Variants in PALM2AKAP2 observed in about 807,000 individuals in gnomAD.
The protein encoded by PALM2AKAP2 is PALM2-AKAP2 fusion protein.
PALM2AKAP2 carries 37 observed loss-of-function variants against 71.5 expected under a neutral mutation model. The ratio of observed to expected loss-of-function variants is 0.52; its 90% CI spans 0.40 to 0.68. PALM2AKAP2 has a LOEUF of 0.68. PALM2AKAP2 is among the 30% of genes least tolerant of loss of function. The pLI is 0.00. For synonymous variants in PALM2AKAP2, 468 were observed against 478.8 expected (o/e 0.98, Z 0.29); for missense variants, 1,224 against 1,191.8 (o/e 1.03, Z -0.40).
intron 2 of PALM2AKAP2, among the ~76,000 whole-genome samples, chr9:110,141,118 T>C (rs1205784384): frequency 6.6e-6 from 1 of 152,188 alleles, no homozygotes; most frequent in Non-Finnish European, 1.5e-5. Context: ...CAATGCTTTC[T>C]CCTGATTCCC....
chr9:109,696,023 G>A (rs1190812305), intron 1 of PALM2AKAP2, among the ~76,000 whole-genome samples: 2 of 152,118 alleles, frequency 1.3e-5, no homozygotes, highest in African/African-American at 2.4e-5. Context: ...GAATTGGAAT[G>A]TTTCCAATAC....
chr9:109,655,457 TA>T (rs1248902812), intron 1 of PALM2AKAP2, among the ~76,000 whole-genome samples: 3 of 152,192 alleles, frequency 2.0e-5, no homozygotes, highest in Non-Finnish European at 4.4e-5. Flanking sequence ...ATACATAGCA[TA>T]AAATTTACCA....
At chr9:109,739,546 T>C (rs1261376231) in intron 1 of PALM2AKAP2, among the ~76,000 whole-genome samples, 1 of 152,172 alleles carries the variant, frequency 6.6e-6, no homozygotes, top group East Asian at 1.9e-4. Context: ...TCTTTCCTAG[T>C]TGAGGGAACA....
chr9:110,024,609 CTG>C (rs1833140372), intron 7 of PALM2AKAP2, among the ~76,000 whole-genome samples: 1 of 152,114 alleles, frequency 6.6e-6, no homozygotes, highest in African/African-American at 2.4e-5. Flanking sequence ...CATGGTGAAA[CTG>C]TGTATCTACA....
intron 1 of PALM2AKAP2, among the ~76,000 whole-genome samples, chr9:109,707,396 G>A (rs1215115079): frequency 6.6e-6 from 1 of 152,088 alleles, no homozygotes; most frequent in East Asian, 1.9e-4. Flanking sequence ...TTGAAGTCAG[G>A]CACTTCAAAT....
chr9:110,075,593 T>C (rs1834302752), intron 1 of PALM2AKAP2, among the ~76,000 whole-genome samples: 1 of 152,068 alleles, frequency 6.6e-6, no homozygotes, highest in Non-Finnish European at 1.5e-5. Flanking sequence ...CTTTTTTTCT[T>C]TCTTTCTTTT....
At chr9:109,834,966 A>G (rs1828416561) in intron 1 of PALM2AKAP2, among the ~76,000 whole-genome samples, 3 of 152,234 alleles carry the variant, frequency 2.0e-5, no homozygotes, top group African/African-American at 4.8e-5. Context: ...TCAAGGATGA[A>G]CAATACTTCT....
chr9:109,692,866 G>A (rs1197302339), intron 1 of PALM2AKAP2, among the ~76,000 whole-genome samples: 1 of 151,836 alleles, frequency 6.6e-6, no homozygotes, highest in African/African-American at 2.4e-5. Flanking sequence ...TTGCATCTAT[G>A]TGCACAAGGA....
chr9:110,132,732 A>C (rs1270723583), intron 1 of PALM2AKAP2, among the ~76,000 whole-genome samples: 1 of 151,774 alleles, frequency 6.6e-6, no homozygotes, highest in Non-Finnish European at 1.5e-5. Flanking sequence ...TCTCATGCCA[A>C]GTAGCTGGGA....
chr9:109,931,174 C>G (rs913588813), intron 5 of PALM2AKAP2, among the ~76,000 whole-genome samples: 1 of 152,148 alleles, frequency 6.6e-6, no homozygotes. Flanking sequence ...CCTCTGATAC[C>G]TTGGCATGCT....
intron 1 of PALM2AKAP2, among the ~76,000 whole-genome samples, chr9:110,133,360 A>G (rs976272973): frequency 6.6e-6 from 1 of 152,156 alleles, no homozygotes; most frequent in African/African-American, 2.4e-5. Flanking sequence ...AAACTCTAAT[A>G]TAGACTTAGG....
chr9:109,714,041 G>A (rs1489789812), intron 1 of PALM2AKAP2, among the ~76,000 whole-genome samples: 2 of 152,080 alleles, frequency 1.3e-5, no homozygotes, highest in Non-Finnish European at 2.9e-5. Context: ...ACTGCAGAAA[G>A]AGTCTATTAA....
chr9:109,770,479 A>G (rs948580832), intron 1 of PALM2AKAP2, among the ~76,000 whole-genome samples: 6 of 152,378 alleles, frequency 3.9e-5, no homozygotes, highest in Non-Finnish European at 7.3e-5. Context: ...ACCAAAAACC[A>G]CACAGTAGAA....
intron 3 of PALM2AKAP2, 103 bp from the exon 4 acceptor site, chr9:109,923,632 G>T: frequency 7.9e-7 from 1 of 1,263,108 alleles, no homozygotes; most frequent in South Asian, 1.4e-5. Flanking sequence ...GTAAAACAAA[G>T]GCTGCCAGGA....
chr9:109,753,615 G>A (rs1828917001), intron 1 of PALM2AKAP2, among the ~76,000 whole-genome samples: 1 of 152,166 alleles, frequency 6.6e-6, no homozygotes, highest in Non-Finnish European at 1.5e-5. Flanking sequence ...TTGCAAGTGT[G>A]TGTGGAAGAA....
At chr9:109,681,717 T>C (rs1018433709) in intron 1 of PALM2AKAP2, among the ~76,000 whole-genome samples, 2 of 152,210 alleles carry the variant, frequency 1.3e-5, no homozygotes, top group Non-Finnish European at 2.9e-5. Flanking sequence ...TTAGACTTAT[T>C]ATATGGGTAG....
At chr9:110,047,966 C>T (rs1410925236), upstream of PALM2AKAP2, among the ~76,000 whole-genome samples, 1 of 152,210 alleles carries the variant, frequency 6.6e-6, no homozygotes, top group Admixed American at 6.5e-5. Flanking sequence ...TGCCTCCTTC[C>T]CCTCCGCTGG....
chr9:109,983,690 C>A (rs1351484654), intron 6 of PALM2AKAP2, among the ~76,000 whole-genome samples: 1 of 151,926 alleles, frequency 6.6e-6, no homozygotes, highest in Non-Finnish European at 1.5e-5. Flanking sequence ...CATGGCAAAA[C>A]CCCATCTCTA....
At chr9:109,842,404 C>T (rs1828720640) in intron 1 of PALM2AKAP2, among the ~76,000 whole-genome samples, 1 of 152,210 alleles carries the variant, frequency 6.6e-6, no homozygotes, top group Non-Finnish European at 1.5e-5. Flanking sequence ...GCTCTATCCT[C>T]ATTCATTCCC....
Sources: gnomAD v4.1 joint callset for allele counts (sites outside exome capture counted in the v4.1 genomes callset) on GRCh38, gnomAD v4.1.1 for gene constraint, MANE v1.5 for transcripts, NCBI Gene and HGNC (gene_info 2026-07-23, HGNC 2026-07-21) for gene names.